NOL9: variants seen among roughly 807,000 people sequenced by gnomAD.
NOL9 encodes the protein polynucleotide 5'-hydroxyl-kinase NOL9.
Under a neutral mutation model 67.9 loss-of-function variants are expected in NOL9, and 28 were observed. The observed-to-expected ratio is 0.41, with a 90% CI of 0.31 to 0.57. The LOEUF is 0.57. NOL9 is among the 20% of genes least tolerant of loss of function. The pLI is 0.25. For synonymous variants in NOL9, 356 were observed against 352.2 expected, an observed-to-expected ratio of 1.01 and a Z score of -0.12; for missense variants, 777 against 897.0, an observed-to-expected ratio of 0.87 and a Z score of 1.71.
In NOL9 at chr1:6,529,652, G is replaced by A. The variant is rs145067725; in HGVS notation, c.1648-481C>T. Among the ~76,000 whole-genome samples the A allele has an allele frequency of 9.9e-5, 15 of 151,998 alleles. No individual in the cohort carries two copies. In the South Asian group the frequency reaches 2.9e-3, roughly 30 times the overall value. On this transcript the variant is annotated intron_variant, in intron 9 of 11. Coordinates refer to ENST00000377705, the MANE Select transcript of NOL9 (RefSeq NM_024654.5). Reference sequence around the variant, plus strand: ...AAATAAAAAATTCTTTAGGCTGGGCGCAGTGGCTCACGCCTGTAATCTCAA... The same window carrying A: ...AAATAAAAAATTCTTTAGGCTGGGCACAGTGGCTCACGCCTGTAATCTCAA...
intron 9 of NOL9, 106 bp from the exon 10 acceptor site, chr1:6,529,277 C>T (rs894042477): frequency 1.9e-5 from 19 of 1,016,932 alleles, no homozygotes; most frequent in Non-Finnish European, 2.0e-5. Context: ...TGCCAAAGTG[C>T]CTACTCAAAA....
chr1:6,521,624 G>A lies in NOL9; in HGVS notation c.*4230C>T, dbSNP rs992339934. On this transcript the variant is annotated 3_prime_UTR_variant, in exon 12 of 12. Coordinates refer to ENST00000377705, the MANE Select transcript of NOL9 (RefSeq NM_024654.5). The stretch of plus-strand genomic sequence containing the variant: ...TGGCCGTGGAGCTTGCTTCCTCAAG[G>A]GCTCTTTGACCACAGGAAGCTTGGT... 6.6e-6 allele frequency: 1 copy of A among 152,168 alleles called. No individual in the cohort carries two copies. Among genetic ancestry groups the A allele is most frequent in the Non-Finnish European group, 1.5e-5 (1 of 68,032 alleles). 9.4% of individuals were successfully genotyped at this position (152,168 alleles called of 1,614,324 possible).
intron 6 of NOL9, among the ~76,000 whole-genome samples, chr1:6,538,418 A>C (rs1639203185): frequency 6.6e-6 from 1 of 152,206 alleles, no homozygotes; most frequent in South Asian, 2.1e-4. Flanking sequence ...CACGCCTGTA[A>C]TCCAGGCACT....
At chr1:6,536,302 C>T (rs1639154501) in intron 6 of NOL9, among the ~76,000 whole-genome samples, 1 of 152,074 alleles carries the variant, frequency 6.6e-6, no homozygotes, top group African/African-American at 2.4e-5. Flanking sequence ...GCCGAGATCA[C>T]GCCACTGCAC....
intron 3 of NOL9, chr1:6,548,426 C>T (rs916755281): frequency 2.3e-5 from 5 of 222,162 alleles, no homozygotes; most frequent in South Asian, 7.6e-5. Flanking sequence ...GGATTACAGG[C>T]GTGAGCCACC....
rs1389281100 is a variant in NOL9 at position 6,526,384 on chromosome 1, C to G, written c.1959+312G>C. Among the ~76,000 whole-genome samples the G allele has an allele frequency of 2.6e-5, 4 of 152,150 alleles. No individual in the cohort carries two copies. In the East Asian group the frequency reaches 7.7e-4, roughly 29 times the overall value. On this transcript the variant is annotated intron_variant, in intron 11 of 11. Transcript: ENST00000377705. ...GACGCCTTGACCTGGTCCCGTGATG[C>G]CTCTGAAGACTGTCCTCAGGAGGGC... is the stretch of plus-strand genomic sequence containing the variant.
In NOL9 at chr1:6,531,414, T is replaced by C. The variant is rs571310998; in HGVS notation, c.1647+554A>G. Among the ~76,000 whole-genome samples the C allele has an allele frequency of 5.5e-4, 83 of 152,060 alleles. 1 individual carries two copies. The highest frequency in any genetic ancestry group is 9.2e-4 in the African/African-American group (38 of 41,484). ...ATTTTTAATAGAGAGGGGGTTTCACTGTGTTAGCCAGGATGGTCTCGATCT... is the reference window on the plus strand; with the variant it reads ...ATTTTTAATAGAGAGGGGGTTTCACCGTGTTAGCCAGGATGGTCTCGATCT... On this transcript the variant is annotated intron_variant, in intron 9 of 11. Transcript: ENST00000377705.
chr1:6,534,990 G>A (rs1254184731), intron 6 of NOL9, among the ~76,000 whole-genome samples: 1 of 152,112 alleles, frequency 6.6e-6, no homozygotes, highest in Admixed American at 6.5e-5. Flanking sequence ...TTTTTTAGTA[G>A]AGATGAGGTT....
Position 6,541,010 on chromosome 1 carries a change from C to CTTTTTTTTTTTT in NOL9, c.1075+819_1075+820insAAAAAAAAAAAA, listed in dbSNP as rs1287698159. The CTTTTTTTTTTTT allele has an allele frequency of 4.9e-5, 6 of 123,092 alleles. 3 individuals carry two copies. Among genetic ancestry groups the CTTTTTTTTTTTT allele is most frequent in the African/African-American group, 6.1e-5 (2 of 32,590 alleles). 7.6% of individuals were successfully genotyped at this position (123,092 alleles called of 1,614,324 possible). The stretch of plus-strand genomic sequence containing the variant: ...ATAAAATCTGTAGACTGGTTAACAG[C>CTTTTTTTTTTTT]GTTTTTTTTTTTTTTTTTTTTTTTG... On this transcript the variant is annotated intron_variant, in intron 6 of 11. Coordinates refer to ENST00000377705, the MANE Select transcript of NOL9 (RefSeq NM_024654.5).
intron 3 of NOL9, among the ~76,000 whole-genome samples, chr1:6,548,289 G>C (rs903858522): frequency 6.6e-6 from 1 of 152,036 alleles, no homozygotes; most frequent in Admixed American, 6.6e-5. Context: ...TGGGATTACA[G>C]GTGCATGCCC....
chr1:6,540,583 T>C (rs1209807005), intron 6 of NOL9, among the ~76,000 whole-genome samples: 1 of 152,062 alleles, frequency 6.6e-6, no homozygotes, highest in Non-Finnish European at 1.5e-5. Flanking sequence ...TCCCAGAACT[T>C]GGGAGTCAGA....
At chr1:6,536,886 C>G (rs566942502) in intron 6 of NOL9, among the ~76,000 whole-genome samples, 7 of 152,186 alleles carry the variant, frequency 4.6e-5, no homozygotes, top group African/African-American at 1.4e-4. Flanking sequence ...CATGGTGGCT[C>G]TGCCATCTCC....
Position 6,544,545 on chromosome 1 carries a change from C to A in NOL9, c.977+281G>T, listed in dbSNP as rs79985479. ...CACACACACGCACGCACACACGCACCCCCCCCCCGCCCCCCACCCCAGAAC... is the reference window on the plus strand; with the variant it reads ...CACACACACGCACGCACACACGCACACCCCCCCCGCCCCCCACCCCAGAAC... On this transcript the variant is annotated intron_variant, in intron 5 of 11. Transcript: ENST00000377705. Among the ~76,000 whole-genome samples the A allele has an allele frequency of 0.38, 8,864 of 23,312 alleles. 988 individuals are homozygous for A. The highest frequency in any genetic ancestry group is 0.44 in the African/African-American group (7,741 of 17,632). The allele number at this position is 23,312 out of a possible 152,430, so 15.3% of individuals were successfully genotyped here.
intron 5 of NOL9, among the ~76,000 whole-genome samples, chr1:6,544,476 C>A (rs1001965456): frequency 1.3e-5 from 2 of 152,016 alleles, no homozygotes; most frequent in Non-Finnish European, 2.9e-5. Flanking sequence ...TATGACTGTG[C>A]CACTGCACTC....
At position 6,550,619 on chromosome 1, in the gene NOL9, G is replaced by A; in HGVS notation, c.397-4C>T. On this transcript the variant is annotated splice_polypyrimidine_tract_variant and splice_region_variant and intron_variant, in intron 1 of 11. Coordinates refer to ENST00000377705, the MANE Select transcript of NOL9 (RefSeq NM_024654.5). ...AGATCCCACTAAAAGTAAAACCCTA[G>A]CAGGGAGAGAAAACAGAAAAAACAT... 2 of 1,606,350 alleles carry A rather than the reference G, an allele frequency of 1.2e-6. No individual in the cohort carries two copies. Among genetic ancestry groups the A allele is most frequent in the Non-Finnish European group, 1.7e-6 (2 of 1,174,346 alleles).
chr1:6,553,422 C>G (rs1206846769), intron 1 of NOL9, among the ~76,000 whole-genome samples: 1 of 152,146 alleles, frequency 6.6e-6, no homozygotes, highest in Admixed American at 6.6e-5. Flanking sequence ...GAGAGAGGGA[C>G]AACTACTCCG....
At chr1:6,543,112 C>T (rs1330967534) in intron 5 of NOL9, among the ~76,000 whole-genome samples, 1 of 149,252 alleles carries the variant, frequency 6.7e-6, no homozygotes, top group Admixed American at 6.7e-5. Context: ...CAGGCTGGTC[C>T]GAAACTCCTG....
intron 10 of NOL9, among the ~76,000 whole-genome samples, chr1:6,528,259 T>C (rs1455471258): frequency 2.0e-5 from 3 of 152,158 alleles, no homozygotes; most frequent in Admixed American, 2.0e-4. Context: ...TGACGGGAAG[T>C]GCCAGGCTGT....
At chr1:6,543,296 C>A (rs993392053) in intron 5 of NOL9, among the ~76,000 whole-genome samples, 1 of 151,726 alleles carries the variant, frequency 6.6e-6, no homozygotes, top group Non-Finnish European at 1.5e-5. Flanking sequence ...CCCAGGTTCA[C>A]GCCATTCTCC....
Sources: gnomAD v4.1 joint callset for allele counts (sites outside exome capture counted in the v4.1 genomes callset) on GRCh38, gnomAD v4.1.1 for gene constraint, MANE v1.5 for transcripts, NCBI Gene and HGNC (gene_info 2026-07-23, HGNC 2026-07-21) for gene names.